The following CERS6 variants were observed in gnomAD, a reference collection of about 807,000 sequenced individuals.
CERS6 encodes the protein LAG1 homolog, ceramide synthase 6.
Under a neutral mutation model 56.8 loss-of-function variants are expected in CERS6, and 26 were observed. The observed-to-expected ratio is 0.46, with a 90% confidence interval of 0.34 to 0.63. The LOEUF is 0.63. Among genes scored for constraint, CERS6 ranks in the 30% least tolerant of loss-of-function variants. The probability of loss-of-function intolerance (pLI) is 0.01; values close to 1 mark genes in which losing one functional copy is unlikely to be tolerated. For missense variants in CERS6, 415 were observed against 467.5 expected (o/e 0.89, Z 1.04); for synonymous variants, 164 against 173.3 (o/e 0.95, Z 0.42).
intron 1 of CERS6, among the ~76,000 whole-genome samples, chr2:168,545,241 C>G (rs17808818): frequency 0.092 from 13,981 of 152,108 alleles, 724 homozygotes; most frequent in Middle Eastern, 0.17. Flanking sequence ...AGATTAATTC[C>G]TGTAGCTAAA....
intron 8 of CERS6, among the ~76,000 whole-genome samples, chr2:168,734,036 G>T (rs1329729334): frequency 1.3e-5 from 2 of 152,174 alleles, no homozygotes; most frequent in South Asian, 2.1e-4. Context: ...GGGAGAATTG[G>T]AATAAATCTC....
chr2:168,466,183 C>A (rs1299324297), intron 1 of CERS6, among the ~76,000 whole-genome samples: 1 of 152,100 alleles, frequency 6.6e-6, no homozygotes, highest in Non-Finnish European at 1.5e-5. Flanking sequence ...CTGAGCATAT[C>A]ATTTCAAGTC....
intron 8 of CERS6, among the ~76,000 whole-genome samples, chr2:168,722,011 AC>A (rs1683189400): frequency 6.6e-6 from 1 of 151,722 alleles, no homozygotes; most frequent in Admixed American, 6.6e-5. Flanking sequence ...GCCAACACTT[AC>A]GATTTTTCAT....
chr2:168,589,739 A>G (rs902414910), intron 3 of CERS6, among the ~76,000 whole-genome samples: 1 of 152,200 alleles, frequency 6.6e-6, no homozygotes. Context: ...AGTCCACTAC[A>G]TATAGATGTA....
chr2:168,626,213 C>A (rs1684587183), intron 3 of CERS6, among the ~76,000 whole-genome samples: 1 of 152,046 alleles, frequency 6.6e-6, no homozygotes, highest in Non-Finnish European at 1.5e-5. Flanking sequence ...AAATGACTTC[C>A]TATTTGTAAA....
At chr2:168,757,986 G>C (rs2105454386) in intron 8 of CERS6, among the ~76,000 whole-genome samples, 1 of 152,224 alleles carries the variant, frequency 6.6e-6, no homozygotes, top group Non-Finnish European at 1.5e-5. Context: ...TATTACCTTA[G>C]GAAAACCAGC....
chr2:168,710,269 T>G (rs1220485684), intron 6 of CERS6, among the ~76,000 whole-genome samples: 1 of 152,220 alleles, frequency 6.6e-6, no homozygotes, highest in Non-Finnish European at 1.5e-5. Flanking sequence ...TAATCCTCCA[T>G]AAGTGTTTTA....
chr2:168,733,942 A>G (rs1574202828), intron 8 of CERS6, among the ~76,000 whole-genome samples: 1 of 152,236 alleles, frequency 6.6e-6, no homozygotes, highest in African/African-American at 2.4e-5. Context: ...GGTCAGCAGT[A>G]TCAAATACTG....
At chr2:168,718,721 C>A (rs911986717) in intron 8 of CERS6, among the ~76,000 whole-genome samples, 9 of 152,156 alleles carry the variant, frequency 5.9e-5, no homozygotes, top group Admixed American at 3.3e-4. Context: ...ACCTCAGTCC[C>A]CCAAACACCA....
chr2:168,721,620 T>TAAA (rs537701230), intron 8 of CERS6, among the ~76,000 whole-genome samples: 1 of 129,660 alleles, frequency 7.7e-6, no homozygotes, highest in African/African-American at 2.9e-5. Flanking sequence ...TGGTAGTGTT[T>TAAA]AAAAAAAAAA....
At chr2:168,556,369 GAA>G (rs960078008) in intron 2 of CERS6, among the ~76,000 whole-genome samples, 4 of 152,054 alleles carry the variant, frequency 2.6e-5, no homozygotes, top group African/African-American at 9.7e-5. Flanking sequence ...GATCTAACGA[GAA>G]AAATACATCA....
intron 3 of CERS6, among the ~76,000 whole-genome samples, chr2:168,610,109 C>T (rs2105272380): frequency 6.6e-6 from 1 of 150,444 alleles, no homozygotes; most frequent in African/African-American, 2.4e-5. Context: ...TCCCAAGTAG[C>T]TGGGACTACA....
At chr2:168,766,410 C>A in intron 9 of CERS6, 1 of 1,405,312 alleles carries the variant, frequency 7.1e-7, no homozygotes, top group South Asian at 1.1e-5. Flanking sequence ...GAGGGGCACT[C>A]AGATGCTTTT....
intron 1 of CERS6, among the ~76,000 whole-genome samples, 167 bp from the exon 2 acceptor site, chr2:168,547,429 G>A (rs2105372344): frequency 1.3e-5 from 2 of 152,180 alleles, no homozygotes; most frequent in South Asian, 4.2e-4. Context: ...AGAGAAAAAC[G>A]GTTAAGTCTG....
intron 6 of CERS6, among the ~76,000 whole-genome samples, chr2:168,709,904 A>T (rs1209759675): frequency 2.0e-5 from 3 of 152,242 alleles, no homozygotes; most frequent in African/African-American, 4.8e-5. Context: ...TTAGTAACAC[A>T]TAAAATAATT....
intron 3 of CERS6, among the ~76,000 whole-genome samples, chr2:168,620,577 A>T (rs1331881793): frequency 1.3e-5 from 2 of 152,104 alleles, no homozygotes; most frequent in Admixed American, 1.3e-4. Context: ...CCATTGTCAG[A>T]TAAAGAAACT....
intron 1 of CERS6, among the ~76,000 whole-genome samples, chr2:168,531,603 CCT>C (rs1228573434): frequency 6.6e-6 from 1 of 152,134 alleles, no homozygotes; most frequent in African/African-American, 2.4e-5. Flanking sequence ...GGGTGGATCA[CCT>C]GAGCTCAGGA....
At chr2:168,677,261 C>A (rs905182136) in intron 4 of CERS6, among the ~76,000 whole-genome samples, 21 of 151,906 alleles carry the variant, frequency 1.4e-4, no homozygotes, top group African/African-American at 4.6e-4. Flanking sequence ...TGAGTGAGAA[C>A]ATGCAGTGTT....
At chr2:168,680,897 A>C (rs1273719263) in intron 4 of CERS6, among the ~76,000 whole-genome samples, 1 of 152,220 alleles carries the variant, frequency 6.6e-6, no homozygotes, top group East Asian at 1.9e-4. Flanking sequence ...AAGTGGACCA[A>C]GTGCCTTTTC....
Sources: gnomAD v4.1 joint callset for allele counts (sites outside exome capture counted in the v4.1 genomes callset) on GRCh38, gnomAD v4.1.1 for gene constraint, MANE v1.5 for transcripts, NCBI Gene and HGNC (gene_info 2026-07-23, HGNC 2026-07-21) for gene names.